SLC17A5: variants seen among roughly 807,000 people sequenced by gnomAD.
The protein encoded by SLC17A5 is sialin.
In SLC17A5, 47 loss-of-function variants were observed where a neutral mutation model predicts 59.4. That is an observed-to-expected ratio of 0.79 (90% CI 0.63 to 1.01). The LOEUF (loss-of-function observed/expected upper bound fraction) is 1.01, where lower values mean the gene tolerates loss of function less well. Ranked by LOEUF, SLC17A5 falls within the 50% of genes least tolerant of loss-of-function variation. The pLI, the probability that SLC17A5 is intolerant of heterozygous loss-of-function variation, is 0.00. For synonymous variants in SLC17A5, 202 were observed against 210.7 expected, an observed-to-expected ratio of 0.96 and a Z score of 0.36; for missense variants, 522 against 595.5, an observed-to-expected ratio of 0.88 and a Z score of 1.28.
chr6:73,605,630 AACACACACACACACAC>A, intron 9 of SLC17A5, among the ~76,000 whole-genome samples: 1 of 145,956 alleles, frequency 6.9e-6, no homozygotes, highest in Non-Finnish European at 1.5e-5. Flanking sequence ...GCAAGGTTTA[AACACACACACACACAC>A]ACACACACAC....
chr6:73,601,286 G>T lies in SLC17A5; in HGVS notation c.1260-845C>A, dbSNP rs569110687. Reference sequence around the variant, plus strand: ...TCTGCCCAGCCGCCCCGTCTGAGAAGTGAGGAGCCCCTCCGCCCGGCAGCC... The same window carrying T: ...TCTGCCCAGCCGCCCCGTCTGAGAATTGAGGAGCCCCTCCGCCCGGCAGCC... On this transcript the variant is annotated intron_variant, in intron 9 of 10. Coordinates refer to ENST00000355773, the MANE Select transcript of SLC17A5 (RefSeq NM_012434.5). Among the ~76,000 whole-genome samples the T allele has an allele frequency of 1.8e-4, 26 of 143,476 alleles. No individual in the cohort carries two copies. In the East Asian group the frequency reaches 5.1e-3, roughly 28 times the overall value. The allele number at this position is 143,476 out of a possible 152,430, so 94.1% of individuals were successfully genotyped here.
intron 1 of SLC17A5, chr6:73,653,423 G>T: frequency 1.0e-6 from 1 of 985,370 alleles, no homozygotes; most frequent in Non-Finnish European, 1.2e-6. Flanking sequence ...TTCTCTCCCA[G>T]TTCGTTCTTC....
chr6:73,606,231 T>G (rs1223333290), intron 9 of SLC17A5, among the ~76,000 whole-genome samples: 1 of 151,806 alleles, frequency 6.6e-6, no homozygotes, highest in Non-Finnish European at 1.5e-5. Context: ...TTAGTAGAGA[T>G]GGGGTTTCAC....
intron 7 of SLC17A5, among the ~76,000 whole-genome samples, chr6:73,617,938 T>G (rs1767944957): frequency 6.7e-6 from 1 of 149,896 alleles, no homozygotes; most frequent in African/African-American, 2.5e-5. Context: ...AAAAATTGAT[T>G]CCAATTTTTT....
At chr6:73,632,460 T>A (rs7746084) in intron 6 of SLC17A5, among the ~76,000 whole-genome samples, 5,628 of 125,562 alleles carry the variant, frequency 0.045, 350 homozygotes, top group African/African-American at 0.17. Context: ...TTTTTTTTTT[T>A]AAGACAGGGT....
intron 2 of SLC17A5, among the ~76,000 whole-genome samples, chr6:73,643,626 G>A (rs1769402164): frequency 6.6e-6 from 1 of 151,980 alleles, no homozygotes; most frequent in Non-Finnish European, 1.5e-5. Context: ...ATAGGTGTGT[G>A]CTACCACGCC....
intron 6 of SLC17A5, among the ~76,000 whole-genome samples, chr6:73,629,349 G>A (rs1324854344): frequency 2.6e-5 from 4 of 152,126 alleles, no homozygotes; most frequent in Non-Finnish European, 5.9e-5. Flanking sequence ...CCAAGATCAT[G>A]CTACTGCACT....
At position 73,638,750 on chromosome 6, in the gene SLC17A5, G is replaced by A. The variant is rs538141729; in HGVS notation, c.526-251C>T. ...TTTGGGAGGCCAAGGCAGGAGGATT[G>A]CTTGAGCCCAGGAGTTCGAGATCAG... On this transcript the variant is annotated intron_variant, in intron 3 of 10. Transcript: ENST00000355773. Among the ~76,000 whole-genome samples the A allele has an allele frequency of 1.2e-3, 182 of 151,970 alleles. 3 individuals carry two copies. The highest frequency in any genetic ancestry group is 4.2e-3 in the African/African-American group (174 of 41,454).
intron 1 of SLC17A5, among the ~76,000 whole-genome samples, chr6:73,646,372 T>C (rs1769564248): frequency 6.6e-6 from 1 of 152,244 alleles, no homozygotes; most frequent in Admixed American, 6.5e-5. Flanking sequence ...TATGCCCTCC[T>C]ATGTTTAACA....
At chr6:73,647,833 C>T (rs1004481456) in intron 1 of SLC17A5, among the ~76,000 whole-genome samples, 27 of 152,140 alleles carry the variant, frequency 1.8e-4, no homozygotes, top group Admixed American at 1.5e-3. Flanking sequence ...TTTGGGAGGA[C>T]GAAGCGGGTG....
In SLC17A5 at chr6:73,621,313, A is replaced by G. The variant is rs73456436; in HGVS notation, c.978+491T>C. Among the ~76,000 whole-genome samples, 937 of 151,938 alleles carry G rather than the reference A, an allele frequency of 6.2e-3. 10 individuals are homozygous for G. Among genetic ancestry groups the G allele is most frequent in the African/African-American group, 0.021 (886 of 41,422 alleles). ...AGCGACCGCGCCTGGCCTTTTTTGT[A>G]TTTTTAACAGAGACAGGGTTTCACC... On this transcript the variant is annotated intron_variant, in intron 7 of 10. Coordinates refer to ENST00000355773, the MANE Select transcript of SLC17A5 (RefSeq NM_012434.5).
chr6:73,625,697 T>A (rs142187856), intron 6 of SLC17A5, among the ~76,000 whole-genome samples: 6 of 152,106 alleles, frequency 3.9e-5, no homozygotes, highest in African/African-American at 1.4e-4. Context: ...GAATCTAAGT[T>A]TTAAAAGGCT....
intron 7 of SLC17A5, among the ~76,000 whole-genome samples, chr6:73,620,551 C>G (rs554898509): frequency 6.6e-6 from 1 of 152,200 alleles, no homozygotes; most frequent in African/African-American, 2.4e-5. Flanking sequence ...CAGAAGTAGA[C>G]AGAGGAGTTC....
At chr6:73,605,105 G>A (rs572147) in intron 9 of SLC17A5, among the ~76,000 whole-genome samples, 16,382 of 152,058 alleles carry the variant, frequency 0.11, 1,063 homozygotes, top group Middle Eastern at 0.18. Flanking sequence ...TTGGCCTTCC[G>A]AAGTCCTGGG....
intron 1 of SLC17A5, among the ~76,000 whole-genome samples, chr6:73,648,499 G>T (rs1769687660): frequency 6.6e-6 from 1 of 152,216 alleles, no homozygotes; most frequent in South Asian, 2.1e-4. Context: ...CTGGCTGTGT[G>T]CTTTTGTAGA....
chr6:73,606,270 T>A (rs1005175127), intron 9 of SLC17A5, among the ~76,000 whole-genome samples: 1 of 151,960 alleles, frequency 6.6e-6, no homozygotes, highest in African/African-American at 2.4e-5. Context: ...CTGGAGCTCC[T>A]AACCTCAAAC....
chr6:73,617,897 A>G (rs1246349712), intron 7 of SLC17A5, among the ~76,000 whole-genome samples: 1 of 152,006 alleles, frequency 6.6e-6, no homozygotes, highest in Non-Finnish European at 1.5e-5. Context: ...TTTCTCTTCA[A>G]GGATAAGATC....
At chr6:73,612,448 C>T (rs476996) in intron 8 of SLC17A5, among the ~76,000 whole-genome samples, 63,438 of 152,034 alleles carry the variant, frequency 0.42, 14,083 homozygotes, top group African/African-American at 0.57. Flanking sequence ...CAACAGCCAC[C>T]GAGCCCAGCC....
intron 8 of SLC17A5, among the ~76,000 whole-genome samples, chr6:73,611,902 G>C (rs1394927691): frequency 6.6e-6 from 1 of 151,866 alleles, no homozygotes; most frequent in African/African-American, 2.4e-5. Context: ...GTGCGATCAT[G>C]GCTCACTGCA....
Sources: allele counts gnomAD v4.1 joint callset (sites outside exome capture counted in the v4.1 genomes callset), GRCh38; gene constraint gnomAD v4.1.1; transcripts MANE v1.5; gene names NCBI Gene and HGNC (gene_info 2026-07-23, HGNC 2026-07-21).